Variants in CSMD1 observed in about 807,000 individuals in gnomAD.
CSMD1 encodes CUB and Sushi multiple domains 1.
Under a neutral mutation model 417.5 loss-of-function variants are expected in CSMD1, and 213 were observed. That is an observed-to-expected ratio of 0.51 (90% CI 0.46 to 0.57). The LOEUF is 0.57. Among genes scored for constraint, CSMD1 ranks in the 20% least tolerant of loss-of-function variants. The pLI is 0.00. For synonymous variants in CSMD1, 2,862 were observed against 1,736.8 expected, an observed-to-expected ratio of 1.65 and a Z score of -16.11; for missense variants, 6,923 against 4,529.7, an observed-to-expected ratio of 1.53 and a Z score of -15.17.
At chr8:4,381,006 A>G (rs1342738145) in intron 3 of CSMD1, among the ~76,000 whole-genome samples, 2 of 152,084 alleles carry the variant, frequency 1.3e-5, no homozygotes, top group East Asian at 3.9e-4. Flanking sequence ...CACTGCCAGA[A>G]CTCATTTCTC....
intron 3 of CSMD1, among the ~76,000 whole-genome samples, chr8:4,165,962 G>A (rs1010167690): frequency 7.9e-5 from 12 of 152,166 alleles, no homozygotes; most frequent in African/African-American, 2.7e-4. Flanking sequence ...AGGTGTCACT[G>A]TAAGTAATAA....
chr8:3,995,438 AGT>A (rs1422819853), intron 5 of CSMD1, among the ~76,000 whole-genome samples: 8 of 152,206 alleles, frequency 5.3e-5, no homozygotes, highest in Admixed American at 2.0e-4. Flanking sequence ...TTACCCCGAC[AGT>A]TACCTGTTCA....
At chr8:4,092,295 G>A (rs922598950) in intron 3 of CSMD1, among the ~76,000 whole-genome samples, 2 of 152,100 alleles carry the variant, frequency 1.3e-5, no homozygotes, top group African/African-American at 4.8e-5. Flanking sequence ...GAAACCCGAG[G>A]GCAACATTTC....
intron 7 of CSMD1, among the ~76,000 whole-genome samples, chr8:3,656,572 G>C (rs77717916): frequency 0.016 from 2,397 of 152,210 alleles, 64 homozygotes; most frequent in East Asian, 0.095. Flanking sequence ...GATGGGAGAG[G>C]AGTTTTCTTA....
At chr8:3,542,943 G>T (rs1563137965) in intron 10 of CSMD1, among the ~76,000 whole-genome samples, 1 of 152,124 alleles carries the variant, frequency 6.6e-6, no homozygotes, top group Non-Finnish European at 1.5e-5. Context: ...GAGACTTGGG[G>T]GACCCGCTGG....
rs546109031 is a variant in CSMD1 at position 4,891,252 on chromosome 8, C to T, written c.85+103080G>A. Among the ~76,000 whole-genome samples the T allele has an allele frequency of 1.8e-4, 27 of 152,168 alleles. No homozygotes were observed. The South Asian group carries it at 5.6e-3, about 32-fold the overall frequency. On this transcript the variant is annotated intron_variant, in intron 1 of 69. Coordinates refer to ENST00000635120, the MANE Select transcript of CSMD1 (RefSeq NM_033225.6). Reference sequence around the variant, plus strand: ...AAATTCTATGTGCAAATAATTGTACCTATCTCTACATCCTTAGGTAAAACA... The same window carrying T: ...AAATTCTATGTGCAAATAATTGTACTTATCTCTACATCCTTAGGTAAAACA...
chr8:4,811,918 T>C (rs567879316), intron 1 of CSMD1, among the ~76,000 whole-genome samples: 8 of 152,274 alleles, frequency 5.3e-5, no homozygotes, highest in South Asian at 2.1e-4. Context: ...TTTCTCCGTA[T>C]AGAATTTTCT....
chr8:3,056,740 A>G, intron 49 of CSMD1, among the ~76,000 whole-genome samples: 1 of 146,626 alleles, frequency 6.8e-6, no homozygotes, highest in African/African-American at 2.4e-5. Flanking sequence ...ACGTATTTAT[A>G]TGAATATGTA....
chr8:3,983,126 T>A (rs112801875), intron 5 of CSMD1, among the ~76,000 whole-genome samples: 7,847 of 114,616 alleles, frequency 0.068, 304 homozygotes, highest in Non-Finnish European at 0.097. Flanking sequence ...TCCTCCCACA[T>A]CTTTCTTTCT....
At chr8:4,299,460 T>C (rs777321913) in intron 3 of CSMD1, among the ~76,000 whole-genome samples, 1 of 152,180 alleles carries the variant, frequency 6.6e-6, no homozygotes, top group East Asian at 1.9e-4. Context: ...AGTAATTGGT[T>C]CTTTAATTCA....
intron 1 of CSMD1, among the ~76,000 whole-genome samples, chr8:4,876,641 A>T (rs2116936796): frequency 6.6e-6 from 1 of 152,226 alleles, no homozygotes; most frequent in South Asian, 2.1e-4. Flanking sequence ...ATTTAGGAAA[A>T]GCACAATGCA....
At chr8:3,058,362 A>T (rs920056074) in intron 49 of CSMD1, among the ~76,000 whole-genome samples, 2 of 152,152 alleles carry the variant, frequency 1.3e-5, no homozygotes, top group Non-Finnish European at 2.9e-5. Flanking sequence ...AGAATATTAG[A>T]CCCGTATTTG....
intron 4 of CSMD1, among the ~76,000 whole-genome samples, chr8:4,020,281 G>A (rs539127546): frequency 1.3e-5 from 2 of 152,300 alleles, no homozygotes; most frequent in East Asian, 3.9e-4. Context: ...TGCCCCAGGT[G>A]ACCAGTGCAG....
chr8:3,551,719 T>C (rs28451780), intron 10 of CSMD1, among the ~76,000 whole-genome samples: 1,819 of 152,124 alleles, frequency 0.012, 33 homozygotes, highest in African/African-American at 0.041. Context: ...AAATAGTCAT[T>C]GTAGTCTGTC....
At chr8:3,082,287 G>A (rs922611610) in intron 49 of CSMD1, among the ~76,000 whole-genome samples, 3 of 152,166 alleles carry the variant, frequency 2.0e-5, no homozygotes, top group Non-Finnish European at 2.9e-5. Context: ...TATCTCTTTT[G>A]CTCTTTAACG....
chr8:3,816,020 A>G (rs949777897), intron 5 of CSMD1, among the ~76,000 whole-genome samples: 1 of 152,308 alleles, frequency 6.6e-6, no homozygotes, highest in East Asian at 1.9e-4. Context: ...GCAGTAAGAT[A>G]TTGTCTGTGT....
intron 12 of CSMD1, among the ~76,000 whole-genome samples, chr8:3,436,895 T>C (rs540917654): frequency 1.3e-5 from 2 of 152,282 alleles, no homozygotes; most frequent in African/African-American, 4.8e-5. Flanking sequence ...TGCCAATTAT[T>C]ATTTTCTCAG....
intron 5 of CSMD1, among the ~76,000 whole-genome samples, chr8:3,994,622 TTA>T (rs1491149076): frequency 2.1e-5 from 3 of 146,116 alleles, no homozygotes; most frequent in Non-Finnish European, 3.0e-5. Flanking sequence ...ATCCGACTAG[TTA>T]AAAAAAAAAG....
intron 5 of CSMD1, among the ~76,000 whole-genome samples, chr8:3,829,105 TA>T (rs1482635450): frequency 6.6e-6 from 1 of 152,132 alleles, no homozygotes; most frequent in Non-Finnish European, 1.5e-5. Context: ...AGTGGAGTTT[TA>T]TGAGAACCTG....
Sources: gnomAD v4.1 joint callset for allele counts (sites outside exome capture counted in the v4.1 genomes callset) on GRCh38, gnomAD v4.1.1 for gene constraint, MANE v1.5 for transcripts, NCBI Gene and HGNC (gene_info 2026-07-23, HGNC 2026-07-21) for gene names.